The following SYAP1 variants were observed in gnomAD, a reference collection of about 807,000 sequenced individuals.
The protein encoded by SYAP1 is synapse-associated protein 1.
In SYAP1, 3 loss-of-function variants were observed where a neutral mutation model predicts 29.6. The ratio of observed to expected loss-of-function variants is 0.10; its 90% confidence interval spans 0.05 to 0.26. SYAP1 has a LOEUF of 0.26. Among genes scored for constraint, SYAP1 ranks in the 10% least tolerant of loss-of-function variants. The pLI is 1.00. For synonymous variants in SYAP1, 102 were observed against 102.7 expected, an observed-to-expected ratio of 0.99 and a Z score of 0.04; for missense variants, 217 against 264.1, an observed-to-expected ratio of 0.82 and a Z score of 1.24.
At chrX:16,759,063 G>T (rs1926918956) in intron 8 of SYAP1, among the ~76,000 whole-genome samples, 1 of 107,904 alleles carries the variant, frequency 9.3e-6, no homozygotes, top group African/African-American at 3.4e-5. Flanking sequence ...GTGGTGGTGG[G>T]TGCCTGTAGT....
intron 5 of SYAP1, among the ~76,000 whole-genome samples, chrX:16,745,563 T>TAA (rs78503807): frequency 1.9e-5 from 2 of 102,917 alleles, no homozygotes; most frequent in African/African-American, 3.5e-5. Context: ...TGTTTCTACT[T>TAA]AAAAAAAAAA....
chrX:16,759,097 C>G (rs191900181), intron 8 of SYAP1, among the ~76,000 whole-genome samples: 1 of 107,556 alleles, frequency 9.3e-6, no homozygotes, highest in African/African-American at 3.4e-5. Flanking sequence ...GAGGCTGAGG[C>G]AGCAGAATGG....
At chrX:16,725,420 G>T (rs1023279789) in intron 1 of SYAP1, among the ~76,000 whole-genome samples, 3 of 112,118 alleles carry the variant, frequency 2.7e-5, no homozygotes, top group Non-Finnish European at 3.8e-5. Context: ...GCCAAGGCGG[G>T]TGGGTTGCTT....
At chrX:16,725,176 G>A (rs1180369384) in intron 1 of SYAP1, among the ~76,000 whole-genome samples, 2 of 112,146 alleles carry the variant, frequency 1.8e-5, no homozygotes, top group African/African-American at 3.2e-5. Flanking sequence ...GTTAGCTGTC[G>A]GCCCCCACCT....
chrX:16,737,240 A>G (rs752862057), intron 3 of SYAP1, among the ~76,000 whole-genome samples: 22 of 111,521 alleles, frequency 2.0e-4, no homozygotes, highest in African/African-American at 6.2e-4. Flanking sequence ...AATTAGCCAG[A>G]TGGGTGTGGT....
intron 3 of SYAP1, 33 bp from the exon 4 acceptor site, chrX:16,741,683 C>T (rs1343177478): frequency 1.4e-5 from 15 of 1,105,721 alleles, no homozygotes; most frequent in Admixed American, 1.3e-4. Flanking sequence ...CTATTTTTTT[C>T]TCTTTTCTTC....
intron 3 of SYAP1, among the ~76,000 whole-genome samples, chrX:16,736,744 G>A (rs1926338181): frequency 1.8e-5 from 2 of 111,741 alleles, no homozygotes; most frequent in Non-Finnish European, 3.8e-5. Flanking sequence ...TCCTGACCTC[G>A]TGATCCGCCC....
At chrX:16,734,446 T>C (rs1438379649) in intron 1 of SYAP1, among the ~76,000 whole-genome samples, 1 of 110,841 alleles carries the variant, frequency 9.0e-6, no homozygotes, top group Non-Finnish European at 1.9e-5. Flanking sequence ...CTATTTCTTA[T>C]TTAAAATTCC....
At chrX:16,743,029 T>C (rs1415144806) in intron 4 of SYAP1, among the ~76,000 whole-genome samples, 1 of 107,035 alleles carries the variant, frequency 9.3e-6, no homozygotes, top group Admixed American at 1.0e-4. Flanking sequence ...CAGTCTATGA[T>C]AAATTGTTAT....
At chrX:16,721,616 C>T (rs1925962734) in intron 1 of SYAP1, among the ~76,000 whole-genome samples, 1 of 112,021 alleles carries the variant, frequency 8.9e-6, no homozygotes, top group Non-Finnish European at 1.9e-5. Context: ...CAACCTCCAC[C>T]TCCTGGGTTC....
chrX:16,748,008 A>G lies in SYAP1; in HGVS notation c.575+4168A>G, dbSNP rs774532870. 2.7e-5 allele frequency among the ~76,000 whole-genome samples: 3 copies of G among 110,873 alleles called. No homozygotes were observed. In the South Asian group the frequency reaches 1.1e-3, roughly 42 times the overall value. ...TGAGGCAGCAGAATCACTTGAACCCAGGAGGCGGAGGTTGCAGTGAGCCAA... is the reference window on the plus strand; with the variant it reads ...TGAGGCAGCAGAATCACTTGAACCCGGGAGGCGGAGGTTGCAGTGAGCCAA... On this transcript the variant is annotated intron_variant, in intron 5 of 8. Coordinates refer to ENST00000380155, the MANE Select transcript of SYAP1 (RefSeq NM_032796.4).
intron 5 of SYAP1, 139 bp downstream of exon 5, chrX:16,743,979 C>G: frequency 1.5e-6 from 1 of 654,584 alleles, no homozygotes; most frequent in Middle Eastern, 5.4e-4. Context: ...CTCCCCTGGT[C>G]AGGGCACTCT....
intron 3 of SYAP1, among the ~76,000 whole-genome samples, chrX:16,736,975 G>A (rs1052041082): frequency 1.8e-5 from 2 of 111,791 alleles, no homozygotes; most frequent in African/African-American, 6.5e-5. Flanking sequence ...AAAGAGTCTC[G>A]GGTGTTTGGA....
chrX:16,729,778 A>G (rs1281755764), intron 1 of SYAP1, among the ~76,000 whole-genome samples: 2 of 111,051 alleles, frequency 1.8e-5, no homozygotes, highest in South Asian at 3.8e-4. Flanking sequence ...CACTGCGCCC[A>G]GCCTATGTGC....
chrX:16,740,689 A>C (rs780479917), intron 3 of SYAP1, among the ~76,000 whole-genome samples: 1 of 111,340 alleles, frequency 9.0e-6, no homozygotes, highest in South Asian at 3.7e-4. Context: ...ACAAATGTTC[A>C]GTACACATTT....
chrX:16,739,538 A>G (rs1178935726), intron 3 of SYAP1, among the ~76,000 whole-genome samples: 2 of 90,362 alleles, frequency 2.2e-5, no homozygotes, highest in Non-Finnish European at 4.1e-5. Context: ...GTGCAGTGGC[A>G]CCTTCTCAGC....
chrX:16,721,693 A>AT (rs1925965323), intron 1 of SYAP1, among the ~76,000 whole-genome samples: 3 of 89,671 alleles, frequency 3.3e-5, no homozygotes, highest in Non-Finnish European at 6.6e-5. Context: ...ACACCTGGCT[A>AT]ATTTTTTTTT....
rs766536909 is a variant in SYAP1, at chrX:16,756,814, A to G, written c.783+93A>G. Reference sequence around the variant, plus strand: ...TGATACCATTTAAAACTATGTATGAATATGGGTTTGGAAGAAGCAGCATCT... The same window carrying G: ...TGATACCATTTAAAACTATGTATGAGTATGGGTTTGGAAGAAGCAGCATCT... On this transcript the variant is annotated intron_variant, in intron 7 of 8. Coordinates refer to ENST00000380155, the MANE Select transcript of SYAP1 (RefSeq NM_032796.4). 199 of 914,171 alleles carry G rather than the reference A, an allele frequency of 2.2e-4. 2 individuals are homozygous for G. Among genetic ancestry groups the G allele is most frequent in the Non-Finnish European group, 3.0e-4 (191 of 641,852 alleles). 75.3% of individuals were successfully genotyped at this position (914,171 alleles called of 1,213,427 possible). A position where few individuals can be genotyped will look rare whatever the true frequency, so the allele number is the denominator to read the frequency against.
chrX:16,722,441 T>A (rs1249578746), intron 1 of SYAP1, among the ~76,000 whole-genome samples: 2 of 108,212 alleles, frequency 1.8e-5, no homozygotes, highest in African/African-American at 6.8e-5. Flanking sequence ...GGCGGGAGAA[T>A]CGCTTGAACC....
Sources: gnomAD v4.1 joint callset for allele counts (sites outside exome capture counted in the v4.1 genomes callset) on GRCh38, gnomAD v4.1.1 for gene constraint, MANE v1.5 for transcripts, NCBI Gene and HGNC (gene_info 2026-07-23, HGNC 2026-07-21) for gene names.